Variants in ANKS1B observed in about 807,000 individuals in gnomAD.
The protein encoded by ANKS1B is ankyrin repeat and sterile alpha motif domain containing 1B.
In ANKS1B, 36 loss-of-function variants were observed where a neutral mutation model predicts 148.3. The ratio of observed to expected loss-of-function variants is 0.24; its 90% CI spans 0.19 to 0.32. The LOEUF (loss-of-function observed/expected upper bound fraction) is 0.32. ANKS1B is among the 10% of genes least tolerant of loss of function. The pLI, the probability that ANKS1B is intolerant of heterozygous loss-of-function variation, is 1.00. For synonymous variants in ANKS1B, 542 were observed against 560.8 expected (o/e 0.97, Z 0.47); for missense variants, 1,157 against 1,542.6 (o/e 0.75, Z 4.19).
chr12:99,818,971 T>C (rs562307948), intron 2 of ANKS1B, among the ~76,000 whole-genome samples: 2 of 151,956 alleles, frequency 1.3e-5, no homozygotes, highest in South Asian at 4.1e-4. Flanking sequence ...AACAGCAAGA[T>C]TCCCTGTAAT....
intron 12 of ANKS1B, among the ~76,000 whole-genome samples, chr12:99,277,252 G>A (rs888395865): frequency 6.6e-6 from 1 of 152,152 alleles, no homozygotes; most frequent in African/African-American, 2.4e-5. Flanking sequence ...TTTAAAATGT[G>A]ACTGTGTTTA....
intron 1 of ANKS1B, among the ~76,000 whole-genome samples, chr12:99,950,113 ATTTTT>A (rs35287842): frequency 2.2e-5 from 2 of 90,550 alleles, no homozygotes; most frequent in Non-Finnish European, 2.0e-5. Flanking sequence ...TGCTCAGTTA[ATTTTT>A]TTTTTTTTTT....
chr12:99,142,533 T>C (rs2071293348), intron 15 of ANKS1B, among the ~76,000 whole-genome samples: 1 of 152,032 alleles, frequency 6.6e-6, no homozygotes, highest in Non-Finnish European at 1.5e-5. Context: ...TCAGAGAGGG[T>C]AGAGAAGAAG....
At chr12:98,973,626 C>T (rs548927070) in intron 17 of ANKS1B, among the ~76,000 whole-genome samples, 4 of 152,168 alleles carry the variant, frequency 2.6e-5, no homozygotes, top group Non-Finnish European at 4.4e-5. Context: ...TGTATCCATG[C>T]TGTCTGCCCT....
chr12:99,320,179 C>T (rs1451880868), intron 12 of ANKS1B, among the ~76,000 whole-genome samples: 2 of 152,046 alleles, frequency 1.3e-5, no homozygotes, highest in African/African-American at 4.8e-5. Flanking sequence ...CTTGAAGTTG[C>T]TCTTCTTGAG....
chr12:99,567,428 C>G (rs1040328214), intron 9 of ANKS1B, among the ~76,000 whole-genome samples: 1 of 152,048 alleles, frequency 6.6e-6, no homozygotes, highest in African/African-American at 2.4e-5. Flanking sequence ...CCAGAGTTCT[C>G]ACTCCCCCAT....
At chr12:99,313,428 T>C (rs2083479061) in intron 12 of ANKS1B, among the ~76,000 whole-genome samples, 2 of 152,150 alleles carry the variant, frequency 1.3e-5, no homozygotes, top group Non-Finnish European at 2.9e-5. Context: ...GAAGCCAGCA[T>C]CATCCTGATA....
At chr12:99,484,762 G>GTT (rs1480334733) in intron 10 of ANKS1B, among the ~76,000 whole-genome samples, 17 of 112,214 alleles carry the variant, frequency 1.5e-4, no homozygotes, top group African/African-American at 6.8e-4. Flanking sequence ...GTGTGTGTGT[G>GTT]TGTTTTTTTT....
chr12:99,919,012 C>A (rs566929858), intron 1 of ANKS1B, among the ~76,000 whole-genome samples: 1 of 152,282 alleles, frequency 6.6e-6, no homozygotes, highest in Non-Finnish European at 1.5e-5. Context: ...ATCAACCAGG[C>A]TAGGAGTTTT....
intron 12 of ANKS1B, among the ~76,000 whole-genome samples, chr12:99,305,089 G>A (rs902967438): frequency 4.6e-5 from 7 of 151,934 alleles, no homozygotes; most frequent in African/African-American, 1.7e-4. Flanking sequence ...GTATCACATG[G>A]TGTGAGAGGG....
At chr12:99,692,908 A>G (rs2053334653) in intron 8 of ANKS1B, among the ~76,000 whole-genome samples, 1 of 152,194 alleles carries the variant, frequency 6.6e-6, no homozygotes. Flanking sequence ...ACATGTCTCA[A>G]ACTGCAGGCA....
chr12:99,436,008 A>C (rs892168559), intron 11 of ANKS1B, among the ~76,000 whole-genome samples: 2 of 151,468 alleles, frequency 1.3e-5, no homozygotes, highest in Admixed American at 1.3e-4. Context: ...GTTTTACTTA[A>C]TATTATTTTC....
chr12:99,751,591 C>A (rs1385930564), intron 8 of ANKS1B, among the ~76,000 whole-genome samples: 1 of 152,016 alleles, frequency 6.6e-6, no homozygotes, highest in Non-Finnish European at 1.5e-5. Context: ...ATCCACCCAC[C>A]CATTCATTCT....
intron 1 of ANKS1B, among the ~76,000 whole-genome samples, chr12:99,857,410 T>C (rs1479978101): frequency 1.3e-5 from 2 of 152,018 alleles, no homozygotes; most frequent in African/African-American, 4.8e-5. Context: ...AATGGAAACA[T>C]ATCCCATGGT....
At chr12:99,777,549 C>T (rs891125580) in intron 6 of ANKS1B, among the ~76,000 whole-genome samples, 9 of 152,096 alleles carry the variant, frequency 5.9e-5, no homozygotes, top group African/African-American at 2.2e-4. Flanking sequence ...ACATATTACA[C>T]ACATGCTTCA....
intron 8 of ANKS1B, among the ~76,000 whole-genome samples, chr12:99,709,503 C>T (rs544000300): frequency 1.3e-4 from 20 of 152,132 alleles, no homozygotes; most frequent in East Asian, 5.8e-4. Flanking sequence ...TTAAGGCTCA[C>T]GACAACAGAT....
At chr12:99,510,284 G>T (rs1208399490) in intron 9 of ANKS1B, among the ~76,000 whole-genome samples, 1 of 151,900 alleles carries the variant, frequency 6.6e-6, no homozygotes, top group Non-Finnish European at 1.5e-5. Flanking sequence ...ATTATATAAG[G>T]CTATAGCTGT....
chr12:99,904,441 C>T (rs1317977980), intron 1 of ANKS1B, among the ~76,000 whole-genome samples: 1 of 152,176 alleles, frequency 6.6e-6, no homozygotes, highest in Non-Finnish European at 1.5e-5. Flanking sequence ...ATCCGCCTGC[C>T]TCAGCCTCCC....
chr12:99,906,257 G>C (rs2093777933), intron 1 of ANKS1B, among the ~76,000 whole-genome samples: 2 of 152,146 alleles, frequency 1.3e-5, no homozygotes, highest in Non-Finnish European at 1.5e-5. Context: ...GCAATGAAGA[G>C]GAAAAGACCT....
Sources: gnomAD v4.1 joint callset for allele counts (sites outside exome capture counted in the v4.1 genomes callset) on GRCh38, gnomAD v4.1.1 for gene constraint, MANE v1.5 for transcripts, NCBI Gene and HGNC (gene_info 2026-07-23, HGNC 2026-07-21) for gene names.